Variants in DOCK9 observed in about 807,000 individuals in gnomAD.
DOCK9 encodes the protein dedicator of cytokinesis 9, also known as dedicator of cytokinesis protein 9.
In DOCK9, 89 loss-of-function variants were observed where a neutral mutation model predicts 263.3. The ratio of observed to expected loss-of-function variants is 0.34; its 90% CI spans 0.28 to 0.40. The LOEUF (loss-of-function observed/expected upper bound fraction) is 0.40, where lower values mean the gene tolerates loss of function less well. Among genes scored for constraint, DOCK9 ranks in the 10% least tolerant of loss-of-function variants. The pLI is 1.00. For missense variants in DOCK9, 2,140 were observed against 2,603.4 expected, an observed-to-expected ratio of 0.82 and a Z score of 3.87; for synonymous variants, 976 against 973.1, an observed-to-expected ratio of 1.00 and a Z score of -0.06.
chr13:98,984,822 G>A (rs1158195064), intron 1 of DOCK9, among the ~76,000 whole-genome samples: 3 of 152,056 alleles, frequency 2.0e-5, no homozygotes, highest in African/African-American at 7.2e-5. Flanking sequence ...AATCTTTCCA[G>A]CTCTATATAT....
At chr13:98,883,785 C>A (rs1425025398) in intron 22 of DOCK9, 28 bp downstream of exon 22, 1 of 1,512,746 alleles carries the variant, frequency 6.6e-7, no homozygotes, top group African/African-American at 1.4e-5. Context: ...AGGGCAGCAA[C>A]TGCTAATTTT....
chr13:98,906,035 T>C (rs948895174), intron 9 of DOCK9, among the ~76,000 whole-genome samples: 13 of 152,118 alleles, frequency 8.5e-5, no homozygotes, highest in African/African-American at 3.1e-4. Context: ...GGTGAATCCA[T>C]GAACACGACA....
At chr13:98,950,300 G>A (rs1201196049) in intron 2 of DOCK9, 13 of 768,880 alleles carry the variant, frequency 1.7e-5, no homozygotes, top group East Asian at 5.1e-5. Flanking sequence ...GATTCCAGTC[G>A]CTTAAACCTG....
intron 1 of DOCK9, among the ~76,000 whole-genome samples, chr13:99,080,112 CTTTTA>C (rs1029833291): frequency 2.6e-5 from 4 of 152,258 alleles, no homozygotes; most frequent in Admixed American, 1.3e-4. Flanking sequence ...TATGTGGTTT[CTTTTA>C]TTTTACAAAT....
chr13:98,888,741 A>G, intron 15 of DOCK9, 30 bp from the exon 16 acceptor site: 2 of 1,590,674 alleles, frequency 1.3e-6, no homozygotes, highest in Non-Finnish European at 1.7e-6. Context: ...AAAATTAAAC[A>G]TTCGTAAGTT....
chr13:98,992,881 T>C lies in DOCK9; in HGVS notation c.130-37330A>G, dbSNP rs570815286. 2.0e-4 allele frequency among the ~76,000 whole-genome samples: 30 copies of C among 152,262 alleles called. No homozygotes were observed. In the South Asian group the frequency reaches 6.0e-3, roughly 31 times the overall value. On this transcript the variant is annotated intron_variant, in intron 1 of 32. Coordinates refer to the DOCK9 transcript ENST00000427887. ...ACTTGAAAAGCAAAGTCTTAAAGAA[T>C]AAGCAAGACGTTCTGAAGCAGTGAA...
intron 1 of DOCK9, among the ~76,000 whole-genome samples, chr13:99,024,912 A>C (rs1449793271): frequency 6.6e-6 from 1 of 152,188 alleles, no homozygotes; most frequent in Non-Finnish European, 1.5e-5. Context: ...GGTTAAATGG[A>C]ACTAAACATT....
chr13:98,946,300 G>T (rs1280754341), intron 2 of DOCK9, among the ~76,000 whole-genome samples: 1 of 152,112 alleles, frequency 6.6e-6, no homozygotes, highest in Non-Finnish European at 1.5e-5. Flanking sequence ...GGAGTCTCTC[G>T]CATTAATCCA....
At chr13:98,995,907 C>T (rs1360224226) in intron 1 of DOCK9, among the ~76,000 whole-genome samples, 3 of 152,140 alleles carry the variant, frequency 2.0e-5, no homozygotes, top group African/African-American at 7.2e-5. Flanking sequence ...GAATAGTTTG[C>T]CCTCTTTGAG....
intron 7 of DOCK9, among the ~76,000 whole-genome samples, chr13:98,915,857 G>A (rs2050808518): frequency 6.6e-6 from 1 of 151,894 alleles, no homozygotes; most frequent in Admixed American, 6.6e-5. Flanking sequence ...CACATAGTGG[G>A]TATTTGAAAA....
chr13:99,003,102 C>T (rs1414351296), intron 1 of DOCK9, among the ~76,000 whole-genome samples: 9 of 152,194 alleles, frequency 5.9e-5, no homozygotes, highest in Admixed American at 5.9e-4. Context: ...AAGCCCCTTC[C>T]AGGCCAAGGG....
Position 98,888,173 on chromosome 13 carries a change from G to A in DOCK9, c.2028C>T (p.Asp676=). 2 of 1,606,736 alleles carry A rather than the reference G, an allele frequency of 1.2e-6. No individual in the cohort carries two copies. Among genetic ancestry groups the A allele is most frequent in the Non-Finnish European group, 1.7e-6 (2 of 1,176,436 alleles). The change falls in exon 18 of 53, where the codon GAC becomes GAT. Residue 676 remains aspartate, a synonymous_variant. Coordinates refer to ENST00000682017, the MANE Select transcript of DOCK9 (RefSeq NM_001366683.2). The part of the protein sequence containing the change: ...CIEFKDSDEE[D]SQPLKCIYGR... ...AAAAACAAACCTTAAGGGGCTGAGA[G>A]TCTTCCTCATCTGAATCTTTGAATT...
chr13:99,068,217 G>T (rs2041510788), intron 1 of DOCK9, among the ~76,000 whole-genome samples: 1 of 152,168 alleles, frequency 6.6e-6, no homozygotes, highest in South Asian at 2.1e-4. Flanking sequence ...GTAACTTCGA[G>T]GAGAAACCAA....
At chr13:98,819,286 G>GGGGT (rs2092112358) in intron 45 of DOCK9, among the ~76,000 whole-genome samples, 4 of 152,190 alleles carry the variant, frequency 2.6e-5, no homozygotes, top group African/African-American at 7.2e-5. Flanking sequence ...AATCTCTGAG[G>GGGGT]CAGGGACTTC....
At chr13:98,871,367 G>A (rs1001659006) in intron 27 of DOCK9, among the ~76,000 whole-genome samples, 1 of 152,172 alleles carries the variant, frequency 6.6e-6, no homozygotes, top group Non-Finnish European at 1.5e-5. Flanking sequence ...GGAGAAGAAT[G>A]ATGGATAATT....
intron 2 of DOCK9, among the ~76,000 whole-genome samples, chr13:98,941,575 T>A (rs922877610): frequency 6.6e-6 from 1 of 152,146 alleles, no homozygotes; most frequent in Non-Finnish European, 1.5e-5. Context: ...TGTAAAGAAT[T>A]ATATATTTTT....
intron 1 of DOCK9, among the ~76,000 whole-genome samples, chr13:99,073,535 C>T (rs932050001): frequency 1.4e-4 from 22 of 152,080 alleles, no homozygotes; most frequent in African/African-American, 5.3e-4. Flanking sequence ...AAAGGGTTCT[C>T]CTTGACCAGG....
intron 34 of DOCK9, among the ~76,000 whole-genome samples, chr13:98,853,880 G>A (rs2093635373): frequency 6.6e-6 from 1 of 152,192 alleles, no homozygotes; most frequent in African/African-American, 2.4e-5. Flanking sequence ...ATCAAGAACA[G>A]AAACCATGAC....
intron 1 of DOCK9, among the ~76,000 whole-genome samples, chr13:99,046,608 A>G (rs2040447796): frequency 6.6e-6 from 1 of 152,220 alleles, no homozygotes; most frequent in Admixed American, 6.5e-5. Context: ...GGACTCACAG[A>G]TGAGGGGCCT....
Sources: gnomAD v4.1 joint callset for allele counts (sites outside exome capture counted in the v4.1 genomes callset) on GRCh38, gnomAD v4.1.1 for gene constraint, MANE v1.5 for transcripts, NCBI Gene and HGNC (gene_info 2026-07-23, HGNC 2026-07-21) for gene names.